PPM1G: variants seen among roughly 807,000 people sequenced by gnomAD.
PPM1G encodes protein phosphatase 1G.
Under a neutral mutation model 59.4 loss-of-function variants are expected in PPM1G, and 12 were observed. The observed-to-expected ratio is 0.20, with a 90% CI of 0.13 to 0.33. PPM1G has a LOEUF of 0.33. Among genes scored for constraint, PPM1G ranks in the 10% least tolerant of loss-of-function variants. The pLI, the probability that PPM1G is intolerant of heterozygous loss-of-function variation, is 1.00. For missense variants in PPM1G, 392 were observed against 681.3 expected (o/e 0.58, Z 4.73); for synonymous variants, 245 against 251.9 (o/e 0.97, Z 0.26).
chr2:27,386,032 G>C, intron 3 of PPM1G, 153 bp from the exon 4 acceptor site: 1 of 1,267,394 alleles, frequency 7.9e-7, no homozygotes, highest in Non-Finnish European at 1.1e-6. Context: ...GAATAATAAG[G>C]CAAGTCTAAA....
chr2:27,384,205 A>G lies in PPM1G; in HGVS notation c.826-113T>C. ...GAACACAGGTCCTCAAAACACTGAAAGATACAAGTATATGGTCATGAAAAT... is the reference window on the plus strand; with the variant it reads ...GAACACAGGTCCTCAAAACACTGAAGGATACAAGTATATGGTCATGAAAAT... On this transcript the variant is annotated intron_variant, in intron 5 of 9. Transcript: ENST00000344034. The surrounding 1 kb of genome is among the most constrained non-coding windows in gnomAD (Gnocchi z 4.8). 1.3e-6 allele frequency: 2 copies of G among 1,516,846 alleles called. No individual in the cohort carries two copies. Among genetic ancestry groups the G allele is most frequent in the South Asian group, 2.5e-5 (2 of 80,082 alleles). 94.0% of individuals were successfully genotyped at this position (1,516,846 alleles called of 1,614,324 possible). A position where few individuals can be genotyped will look rare whatever the true frequency, so the allele number is the denominator to read the frequency against.
At chr2:27,394,743 A>T (rs1262353367) in intron 1 of PPM1G, among the ~76,000 whole-genome samples, 3 of 44,046 alleles carry the variant, frequency 6.8e-5, no homozygotes, top group African/African-American at 3.3e-4. Flanking sequence ...CTCTGTCTTA[A>T]AAAAAAAAAA....
intron 1 of PPM1G, chr2:27,392,745 GT>G: frequency 8.3e-7 from 1 of 1,198,788 alleles, no homozygotes; most frequent in East Asian, 2.3e-5. Flanking sequence ...TGGTGACAAG[GT>G]AAGTCACCCT....
At chr2:27,402,316 C>A (rs1684196728) in intron 1 of PPM1G, among the ~76,000 whole-genome samples, 1 of 152,138 alleles carries the variant, frequency 6.6e-6, no homozygotes. Flanking sequence ...TGTTCAAATT[C>A]AAGCCCTTAC....
At chr2:27,399,298 A>G (rs1684127605) in intron 1 of PPM1G, among the ~76,000 whole-genome samples, 1 of 152,232 alleles carries the variant, frequency 6.6e-6, no homozygotes. Context: ...CAAAAAGACA[A>G]TCCAATTAAA....
At chr2:27,392,612 G>GC (rs1683942399) in intron 1 of PPM1G, among the ~76,000 whole-genome samples, 1 of 47,562 alleles carries the variant, frequency 2.1e-5, no homozygotes, top group African/African-American at 1.2e-4. Flanking sequence ...TTTTTTTTTT[G>GC]GGGGGGGGGA....
intron 1 of PPM1G, among the ~76,000 whole-genome samples, chr2:27,404,350 C>T (rs573398693): frequency 1.3e-5 from 2 of 150,406 alleles, no homozygotes; most frequent in African/African-American, 2.4e-5. Flanking sequence ...GTCTTGAGAC[C>T]AGCCTGGCCA....
intron 1 of PPM1G, among the ~76,000 whole-genome samples, chr2:27,404,005 C>G (rs1205471398): frequency 6.6e-6 from 1 of 152,066 alleles, no homozygotes; most frequent in Non-Finnish European, 1.5e-5. Context: ...CCTTCAATGC[C>G]CTAAGGTAGA....
In PPM1G at chr2:27,382,100, CCT is replaced by C. The variant is rs772181612; in HGVS notation, c.1434+24_1434+25del. The C allele has an allele frequency of 6.3e-7, 1 of 1,596,530 alleles. No homozygotes were observed. The highest frequency in any genetic ancestry group is 8.6e-7 in the Non-Finnish European group (1 of 1,164,194). ...AACCCTGGCTGTGCAGACCAGACACCCTCTCTTCTCCACCCTGGTACTCACCT... is the reference window on the plus strand; with the variant it reads ...AACCCTGGCTGTGCAGACCAGACACCCTCTTCTCCACCCTGGTACTCACCT... On this transcript the variant is annotated intron_variant, in intron 9 of 9. Transcript: ENST00000344034. This position sits in a 1 kb window ranked among gnomAD's most constrained non-coding sequence, Gnocchi z 4.2.
intron 1 of PPM1G, among the ~76,000 whole-genome samples, chr2:27,392,039 CTT>C (rs1252952956): frequency 2.6e-5 from 4 of 151,126 alleles, no homozygotes; most frequent in East Asian, 3.9e-4. Flanking sequence ...CCAGGATGTT[CTT>C]TCTCTCTATA....
At chr2:27,398,161 T>C (rs527473831) in intron 1 of PPM1G, among the ~76,000 whole-genome samples, 3 of 152,228 alleles carry the variant, frequency 2.0e-5, no homozygotes, top group East Asian at 1.9e-4. Context: ...TAGGGACATG[T>C]AGACCAATGA....
rs1349240080 is a variant in PPM1G at position 27,383,205 on chromosome 2, C to A, written c.1201+161G>T. ...TAATGATACCTATGTATAATGATAC[C>A]TCTACCCATCTTAGTTATTTCACAG... On this transcript the variant is annotated intron_variant, in intron 7 of 9. Transcript: ENST00000344034. The surrounding 1 kb of genome is among the most constrained non-coding windows in gnomAD (Gnocchi z 5.0). Among the ~76,000 whole-genome samples the A allele has an allele frequency of 6.6e-6, 1 of 152,142 alleles. No individual in the cohort carries two copies. The highest frequency in any genetic ancestry group is 1.5e-5 in the Non-Finnish European group (1 of 68,034).
intron 1 of PPM1G, among the ~76,000 whole-genome samples, chr2:27,400,993 A>T (rs973655155): frequency 3.9e-5 from 6 of 152,246 alleles, no homozygotes; most frequent in African/African-American, 1.4e-4. Flanking sequence ...CCAAAAGTGG[A>T]GATCAAGTCC....
chr2:27,405,528 C>G (rs1231552750), intron 1 of PPM1G, among the ~76,000 whole-genome samples: 1 of 151,706 alleles, frequency 6.6e-6, no homozygotes, highest in East Asian at 2.0e-4. Context: ...GGCTCACTGG[C>G]CTTCCTATTC....
At chr2:27,399,114 TG>T (rs1684122085) in intron 1 of PPM1G, among the ~76,000 whole-genome samples, 1 of 151,636 alleles carries the variant, frequency 6.6e-6, no homozygotes, top group Non-Finnish European at 1.5e-5. Context: ...CATTCCAGCC[TG>T]GGTGGTCAGA....
At chr2:27,403,895 A>T (rs1408905271) in intron 1 of PPM1G, among the ~76,000 whole-genome samples, 2 of 151,990 alleles carry the variant, frequency 1.3e-5, no homozygotes, top group African/African-American at 4.8e-5. Flanking sequence ...AGAGAGAGAG[A>T]GAGAAATTCT....
intron 1 of PPM1G, among the ~76,000 whole-genome samples, chr2:27,402,403 G>A (rs577220790): frequency 6.6e-6 from 1 of 152,304 alleles, no homozygotes; most frequent in African/African-American, 2.4e-5. Flanking sequence ...CAACTGCTAA[G>A]GAATCAGACA....
intron 1 of PPM1G, among the ~76,000 whole-genome samples, chr2:27,389,030 AG>A: frequency 6.6e-6 from 1 of 152,296 alleles, no homozygotes; most frequent in South Asian, 2.1e-4. Flanking sequence ...ATTCTGAATA[AG>A]GACAACAAAC....
At chr2:27,409,234 T>A in intron 1 of PPM1G, 69 bp downstream of exon 1, 1 of 1,497,726 alleles carries the variant, frequency 6.7e-7, no homozygotes, top group Non-Finnish European at 8.9e-7. Context: ...GAGGACCCCA[T>A]CCCCCGCTCT....
Sources: gnomAD v4.1 joint callset for allele counts (sites outside exome capture counted in the v4.1 genomes callset) on GRCh38, gnomAD v4.1.1 for gene constraint, Gnocchi (gnomAD v3.1) non-coding constraint, MANE v1.5 for transcripts, NCBI Gene and HGNC (gene_info 2026-07-23, HGNC 2026-07-21) for gene names.